The following EPHA6 variants were observed in gnomAD, a reference collection of about 807,000 sequenced individuals.
The protein encoded by EPHA6 is EPH receptor A6.
Under a neutral mutation model 112.0 loss-of-function variants are expected in EPHA6, and 50 were observed. The observed-to-expected ratio is 0.45, with a 90% confidence interval of 0.36 to 0.56. The LOEUF (loss-of-function observed/expected upper bound fraction) is 0.56, where lower values mean the gene tolerates loss of function less well. Ranked by LOEUF, EPHA6 falls within the 20% of genes least tolerant of loss-of-function variation. The probability of loss-of-function intolerance (pLI) is 0.00; values close to 1 mark genes in which losing one functional copy is unlikely to be tolerated. For synonymous variants in EPHA6, 529 were observed against 490.7 expected (o/e 1.08, Z -1.03); for missense variants, 1,280 against 1,417.4 (o/e 0.90, Z 1.56).
chr3:97,472,739 A>T (rs2091263428), intron 7 of EPHA6, among the ~76,000 whole-genome samples: 2 of 151,952 alleles, frequency 1.3e-5, no homozygotes, highest in South Asian at 4.1e-4. Flanking sequence ...AGATTGTGAC[A>T]AGAATGTTTA....
In EPHA6 at chr3:97,069,111, C is replaced by A. The variant is rs187896891; in HGVS notation, c.1114+81118C>A. On this transcript the variant is annotated intron_variant, in intron 3 of 17. Coordinates refer to ENST00000389672, the MANE Select transcript of EPHA6 (RefSeq NM_001080448.3). ...AAAATTCACATGTAACTTGTGACTA[C>A]CCCACAGTTTAACTACTAATAGCCT... Among the ~76,000 whole-genome samples the A allele has an allele frequency of 6.4e-4, 98 of 152,176 alleles. 1 individual carries two copies. The highest frequency in any genetic ancestry group is 2.4e-3 in the African/African-American group (98 of 41,538).
intron 10 of EPHA6, among the ~76,000 whole-genome samples, chr3:97,510,986 T>G (rs1026135337): frequency 6.6e-6 from 1 of 152,220 alleles, no homozygotes; most frequent in African/African-American, 2.4e-5. Context: ...TTGTTTACAC[T>G]GTGAGGGTAA....
chr3:97,424,450 T>C (rs905772599), intron 6 of EPHA6, among the ~76,000 whole-genome samples: 2 of 152,124 alleles, frequency 1.3e-5, no homozygotes, highest in Non-Finnish European at 2.9e-5. Flanking sequence ...ATAATGATCA[T>C]AGTCCAAAGT....
At chr3:97,417,095 A>C (rs888567483) in intron 6 of EPHA6, among the ~76,000 whole-genome samples, 1 of 152,236 alleles carries the variant, frequency 6.6e-6, no homozygotes, top group South Asian at 2.1e-4. Context: ...TCCAGTCAGC[A>C]TATGTCCTTG....
intron 5 of EPHA6, among the ~76,000 whole-genome samples, chr3:97,367,931 T>C (rs2084831378): frequency 6.6e-6 from 1 of 152,230 alleles, no homozygotes; most frequent in African/African-American, 2.4e-5. Flanking sequence ...ATAGTCTGTA[T>C]AACCACAAGC....
chr3:97,164,749 T>C (rs1228089852), intron 3 of EPHA6, among the ~76,000 whole-genome samples: 1 of 152,114 alleles, frequency 6.6e-6, no homozygotes, highest in African/African-American at 2.4e-5. Context: ...CTTACTTTAC[T>C]TTTTCTCTCT....
chr3:97,620,774 C>A (rs2093807590), intron 13 of EPHA6, among the ~76,000 whole-genome samples: 1 of 151,754 alleles, frequency 6.6e-6, no homozygotes, highest in Admixed American at 6.6e-5. Context: ...TAGATGCAGG[C>A]AAGGTGGTGG....
chr3:97,310,175 A>G (rs1054607455), intron 5 of EPHA6, among the ~76,000 whole-genome samples: 7 of 151,484 alleles, frequency 4.6e-5, no homozygotes, highest in Non-Finnish European at 1.0e-4. Context: ...TCAATACTAT[A>G]TTGGTTAGAA....
Position 97,256,993 on chromosome 3 carries a change from G to A in EPHA6, c.1606+12706G>A, listed in dbSNP as rs72924455. On this transcript the variant is annotated intron_variant, in intron 5 of 17. Transcript: ENST00000389672. Reference sequence around the variant, plus strand: ...TAAAAAATTTCTGATTAAAGAAACCGAAGAGATAGTCTTGAAAGAAGTCCT... The same window carrying A: ...TAAAAAATTTCTGATTAAAGAAACCAAAGAGATAGTCTTGAAAGAAGTCCT... Among the ~76,000 whole-genome samples, 1,253 of 152,004 alleles carry A rather than the reference G, an allele frequency of 8.2e-3. 18 individuals carry two copies. Among genetic ancestry groups the A allele is most frequent in the African/African-American group, 0.022 (925 of 41,526 alleles).
At chr3:97,565,777 G>T (rs2093256461) in intron 11 of EPHA6, among the ~76,000 whole-genome samples, 1 of 152,104 alleles carries the variant, frequency 6.6e-6, no homozygotes, top group South Asian at 2.1e-4. Context: ...CCAGCACTTT[G>T]GGAGGCTGAG....
Position 96,857,307 on chromosome 3 carries a change from T to G in EPHA6, c.386-9518T>G, listed in dbSNP as rs535215477. ...TTGCTTCCCTACAGGGTAATGATAA[T>G]AATGCATTTATTGTATTTTATATTT... On this transcript the variant is annotated intron_variant, in intron 1 of 17. Coordinates refer to ENST00000389672, the MANE Select transcript of EPHA6 (RefSeq NM_001080448.3). Among the ~76,000 whole-genome samples, 36 of 152,256 alleles carry G rather than the reference T, an allele frequency of 2.4e-4. 1 individual carries two copies. Among genetic ancestry groups the G allele is most frequent in the African/African-American group, 6.3e-4 (26 of 41,566 alleles).
At chr3:97,387,767 T>C (rs964370654) in intron 5 of EPHA6, among the ~76,000 whole-genome samples, 1 of 152,188 alleles carries the variant, frequency 6.6e-6, no homozygotes, top group African/African-American at 2.4e-5. Context: ...ATTACCAATT[T>C]TCTGTATTAA....
intron 5 of EPHA6, among the ~76,000 whole-genome samples, chr3:97,292,359 C>G (rs1425938662): frequency 1.3e-5 from 2 of 152,238 alleles, no homozygotes; most frequent in African/African-American, 4.8e-5. Flanking sequence ...GTTTATGTTA[C>G]AACTCTTTCC....
chr3:97,649,972 T>C (rs2094095895), intron 14 of EPHA6, among the ~76,000 whole-genome samples: 1 of 152,070 alleles, frequency 6.6e-6, no homozygotes, highest in Non-Finnish European at 1.5e-5. Context: ...GAAGAGAAAA[T>C]CTGACAGTTT....
At chr3:97,337,317 G>A (rs1186628195) in intron 5 of EPHA6, among the ~76,000 whole-genome samples, 2 of 152,090 alleles carry the variant, frequency 1.3e-5, no homozygotes, top group Admixed American at 1.3e-4. Flanking sequence ...CATATTTAAA[G>A]ACCTAAGTGA....
chr3:97,036,827 G>C (rs917875231), intron 3 of EPHA6, among the ~76,000 whole-genome samples: 4 of 151,896 alleles, frequency 2.6e-5, no homozygotes, highest in African/African-American at 7.3e-5. Context: ...CTGTATTTCA[G>C]TACTGAGCAA....
chr3:97,727,141 T>C (rs998362019), intron 15 of EPHA6, among the ~76,000 whole-genome samples: 14 of 152,038 alleles, frequency 9.2e-5, no homozygotes, highest in Admixed American at 2.0e-4. Flanking sequence ...TCAGGGAGCA[T>C]TTCATTTGAG....
At chr3:97,068,656 T>C (rs1416344135) in intron 3 of EPHA6, among the ~76,000 whole-genome samples, 1 of 151,876 alleles carries the variant, frequency 6.6e-6, no homozygotes, top group Non-Finnish European at 1.5e-5. Context: ...GGACTGAATG[T>C]TTTACCCCTA....
At chr3:96,917,418 C>CAAAAAAAAA (rs5851049) in intron 2 of EPHA6, among the ~76,000 whole-genome samples, 17 of 58,076 alleles carry the variant, frequency 2.9e-4, no homozygotes, top group African/African-American at 8.6e-4. Flanking sequence ...GACTCCATCT[C>CAAAAAAAAA]AAAAAAAAAA....
Sources: allele counts gnomAD v4.1 joint callset (sites outside exome capture counted in the v4.1 genomes callset), GRCh38; gene constraint gnomAD v4.1.1; transcripts MANE v1.5; gene names NCBI Gene and HGNC (gene_info 2026-07-23, HGNC 2026-07-21).